The following CAVIN1 variants were observed in gnomAD, a reference collection of about 807,000 sequenced individuals.
The protein encoded by CAVIN1 is caveolae-associated protein 1.
A neutral mutation model predicts 24.0 loss-of-function variants in CAVIN1; 16 were observed. That is an observed-to-expected ratio of 0.67 (90% CI 0.45 to 1.01). CAVIN1 has a LOEUF of 1.01. CAVIN1 is among the 50% of genes least tolerant of loss of function. The pLI is 0.00. For missense variants in CAVIN1, 510 were observed against 551.7 expected, an observed-to-expected ratio of 0.92 and a Z score of 0.76; for synonymous variants, 256 against 256.4, an observed-to-expected ratio of 1.00 and a Z score of 0.02.
At chr17:42,412,256 A>G (rs931662396) in intron 1 of CAVIN1, 8 of 984,980 alleles carry the variant, frequency 8.1e-6, no homozygotes, top group Non-Finnish European at 9.6e-6. Flanking sequence ...TTGGGCTAAG[A>G]TGAGGAAAAG....
At chr17:42,417,701 A>G (rs999172898) in intron 1 of CAVIN1, among the ~76,000 whole-genome samples, 1 of 152,020 alleles carries the variant, frequency 6.6e-6, no homozygotes, top group Admixed American at 6.6e-5. Flanking sequence ...ATACTATACT[A>G]TTTTTTTGAG....
chr17:42,415,055 A>G (rs935938880), intron 1 of CAVIN1, among the ~76,000 whole-genome samples: 6 of 151,954 alleles, frequency 3.9e-5, no homozygotes, highest in African/African-American at 1.5e-4. Context: ...TAAGCAGCCA[A>G]TGGCCACCAA....
In CAVIN1 at chr17:42,422,836, T is replaced by G. The variant is rs1358143864; in HGVS notation, c.262A>C (p.Ser88Arg). 34 of 1,613,664 alleles carry G rather than the reference T, an allele frequency of 2.1e-5. No individual in the cohort carries two copies. The highest frequency in any genetic ancestry group is 2.8e-5 in the Non-Finnish European group (33 of 1,179,946). ...RQAEMEGAVQ[S>R]IQGELSKLGK... is the part of the protein sequence containing the mutation. ...AGCTTGCTCAGCTCGCCCTGGATGC[T>G]CTGCACTGCGCCCTCCATCTCCGCC... Residue 88 changes from serine to arginine, a missense_variant, in exon 1 of 2, where the codon AGC (serine) becomes CGC (arginine). Coordinates refer to ENST00000357037, the MANE Select transcript of CAVIN1 (RefSeq NM_012232.6).
rs2085434591 is a variant in CAVIN1, at chr17:42,405,058, G to A, written c.802C>T (p.His268Tyr). 2.5e-6 allele frequency: 4 copies of A among 1,614,192 alleles called. No individual in the cohort carries two copies. Among genetic ancestry groups the A allele is most frequent in the Non-Finnish European group, 3.4e-6 (4 of 1,180,004 alleles). The change falls in exon 2 of 2, where the codon CAC becomes TAC. Residue 268 changes from histidine (H) to tyrosine (Y), a missense_variant. Coordinates refer to ENST00000357037, the MANE Select transcript of CAVIN1 (RefSeq NM_012232.6). ...TTGTTCATGCGCTTCTCCAGGGTGTGCCGCGTCTTCTCCAGGTTTTCCTTG... is the reference window on the plus strand; with the variant it reads ...TTGTTCATGCGCTTCTCCAGGGTGTACCGCGTCTTCTCCAGGTTTTCCTTG... The part of the protein sequence containing the change: ...KTKENLEKTR[H>Y]TLEKRMNKLG...
rs1190808574 is a variant in CAVIN1 at position 42,422,633 on chromosome 17, G to C, written c.465C>G (p.Ile155Met). The change falls in exon 1 of 2, where the codon ATC becomes ATG. Residue 155 changes from isoleucine (I) to methionine (M), a missense_variant. Transcript: ENST00000357037. ...TTCCGCCCTGTGGGCTCACCTGGTA[G>C]ATCATGACTTTAAAGTTGCGGCGCC... is the stretch of plus-strand genomic sequence containing the variant. ...LLRRRNFKVM[I>M]YQDEVKLPAK... 2 of 1,576,896 alleles carry C rather than the reference G, an allele frequency of 1.3e-6. No homozygotes were observed. The highest frequency in any genetic ancestry group is 8.6e-7 in the Non-Finnish European group (1 of 1,161,688).
At chr17:42,415,811 A>G (rs555920054) in intron 1 of CAVIN1, among the ~76,000 whole-genome samples, 1 of 152,260 alleles carries the variant, frequency 6.6e-6, no homozygotes, top group East Asian at 1.9e-4. Context: ...ACAATGTTAT[A>G]TTTCCAAAAA....
intron 1 of CAVIN1, among the ~76,000 whole-genome samples, chr17:42,410,249 G>T (rs1187819039): frequency 1.3e-5 from 2 of 152,196 alleles, no homozygotes; most frequent in African/African-American, 4.8e-5. Context: ...CCTGGGAATG[G>T]CTGGAGGAGA....
chr17:42,405,490 C>G, intron 1 of CAVIN1, 102 bp from the exon 2 acceptor site: 6 of 1,226,454 alleles, frequency 4.9e-6, no homozygotes, highest in Non-Finnish European at 7.1e-6. Flanking sequence ...GAGCATGGGA[C>G]GCTCGTGGTC....
At position 42,404,987 on chromosome 17, in the gene CAVIN1, C is replaced by T. The variant is rs937605470; in HGVS notation, c.873G>A (p.Lys291=). The T allele has an allele frequency of 8.1e-6, 13 of 1,614,060 alleles. No homozygotes were observed. The highest frequency in any genetic ancestry group is 1.3e-5 in the African/African-American group (1 of 74,944). The change falls in exon 2 of 2, where the codon AAG becomes AAA. Residue 291 remains lysine (K), a synonymous_variant. Transcript: ENST00000357037. ...ATTTGCGCAACTTGTCCCGCGACGTCTTCAGTTTCTCGCGCCGCTCGGCGG... is the reference window on the plus strand; with the variant it reads ...ATTTGCGCAACTTGTCCCGCGACGTTTTCAGTTTCTCGCGCCGCTCGGCGG... ...LVPAERREKL[K]TSRDKLRKSF...
In CAVIN1 at chr17:42,423,106, G is replaced by C. The variant is rs1226922498; in HGVS notation, c.-9C>G. ...AGCGTGGGGTCCTCCATGGCTACCCGGAGCCGTGCGGGACCGGCCGGGTGG... is the reference window on the plus strand; with the variant it reads ...AGCGTGGGGTCCTCCATGGCTACCCCGAGCCGTGCGGGACCGGCCGGGTGG... On this transcript the variant is annotated 5_prime_UTR_variant, in exon 1 of 2. Transcript: ENST00000357037. The C allele has an allele frequency of 6.5e-7, 1 of 1,548,968 alleles. No individual in the cohort carries two copies. The highest frequency in any genetic ancestry group is 1.4e-5 in the African/African-American group (1 of 72,986).
Position 42,405,342 on chromosome 17 carries a change from T to G in CAVIN1, c.518A>C (p.Lys173Thr), listed in dbSNP as rs765450708. The change falls in exon 2 of 2, where the codon AAA becomes ACA. Residue 173 changes from lysine to threonine, a missense_variant. By Grantham distance (78) the Lys-to-Thr change is moderately conservative. Coordinates refer to ENST00000357037, the MANE Select transcript of CAVIN1 (RefSeq NM_012232.6). ...PAKLSISKSL[K>T]ESEALPEKEG... ...CTTCTCTGGCAGCGCCTCCGACTCT[T>G]TCAGCGATTTGCTGATGCTCAGTTT... 7.5e-6 allele frequency: 12 copies of G among 1,608,912 alleles called. No individual in the cohort carries two copies. In the South Asian group the frequency reaches 1.2e-4, roughly 16 times the overall value.
intron 1 of CAVIN1, among the ~76,000 whole-genome samples, chr17:42,415,471 G>A (rs1223164730): frequency 6.6e-6 from 1 of 152,150 alleles, no homozygotes; most frequent in African/African-American, 2.4e-5. Context: ...CCAGCACTTT[G>A]GGAGGCTGAG....
chr17:42,416,742 A>G (rs2085514397), intron 1 of CAVIN1, among the ~76,000 whole-genome samples: 1 of 151,956 alleles, frequency 6.6e-6, no homozygotes, highest in Non-Finnish European at 1.5e-5. Context: ...GGAGGAAGGG[A>G]TGTACTATGC....
chr17:42,414,739 T>C (rs2085501470), intron 1 of CAVIN1, among the ~76,000 whole-genome samples: 1 of 151,854 alleles, frequency 6.6e-6, no homozygotes, highest in African/African-American at 2.4e-5. Context: ...AAGCCTGTAG[T>C]CTCAAAAAAA....
At chr17:42,419,882 C>CGTGTGTGTGTGTGTGTGT (rs5820458) in intron 1 of CAVIN1, among the ~76,000 whole-genome samples, 1 of 143,658 alleles carries the variant, frequency 7.0e-6, no homozygotes, top group Non-Finnish European at 1.5e-5. Context: ...TGCTGAATTT[C>CGTGTGTGTGTGTGTGTGT]GTGTGTGTGT....
chr17:42,409,311 G>A (rs886844998), intron 1 of CAVIN1, among the ~76,000 whole-genome samples: 51 of 152,156 alleles, frequency 3.4e-4, no homozygotes, highest in Non-Finnish European at 1.0e-4. Flanking sequence ...ATGTTGCCCA[G>A]GCTGGTCTCA....
rs1008102519 is a variant in CAVIN1, at chr17:42,416,203, G to A, written c.471+6424C>T. Among the ~76,000 whole-genome samples the A allele has an allele frequency of 6.6e-5, 10 of 152,016 alleles. No homozygotes were observed. In the East Asian group the frequency reaches 9.7e-4, roughly 15 times the overall value. On this transcript the variant is annotated intron_variant, in intron 1 of 1. Transcript: ENST00000357037. Reference sequence around the variant, plus strand: ...GCCAACATGGTGAAACCCCGTCTCTGCTAAAAATACAAAAATTAGCCAGGT... The same window carrying A: ...GCCAACATGGTGAAACCCCGTCTCTACTAAAAATACAAAAATTAGCCAGGT...
chr17:42,411,399 T>G, intron 1 of CAVIN1: 1 of 984,094 alleles, frequency 1.0e-6, no homozygotes, highest in Admixed American at 6.2e-5. Context: ...AAAAAAAATT[T>G]TTTTAACATT....
intron 1 of CAVIN1, among the ~76,000 whole-genome samples, chr17:42,418,219 A>ACTGTATT (rs1471391647): frequency 4.1e-4 from 60 of 147,486 alleles, no homozygotes; most frequent in Middle Eastern, 7.2e-3. Context: ...GCAATGCGTG[A>ACTGTATT]CTGTATTTCC....
Sources: gnomAD v4.1 joint callset for allele counts (sites outside exome capture counted in the v4.1 genomes callset) on GRCh38, gnomAD v4.1.1 for gene constraint, MANE v1.5 for transcripts, NCBI Gene and HGNC (gene_info 2026-07-23, HGNC 2026-07-21) for gene names.